Variants in DTHD1 observed in about 807,000 individuals in gnomAD.
DTHD1 encodes death domain containing 1, also known as death domain-containing protein 1.
DTHD1 carries 59 observed loss-of-function variants against 74.8 expected under a neutral mutation model. The ratio of observed to expected loss-of-function variants is 0.79; its 90% CI spans 0.64 to 0.98. The LOEUF is 0.98. Ranked by LOEUF, DTHD1 falls within the 50% of genes least tolerant of loss-of-function variation. The pLI, the probability that DTHD1 is intolerant of heterozygous loss-of-function variation, is 0.00. For synonymous variants in DTHD1, 365 were observed against 371.1 expected, an observed-to-expected ratio of 0.98 and a Z score of 0.19; for missense variants, 1,051 against 1,065.4, an observed-to-expected ratio of 0.99 and a Z score of 0.19.
intron 7 of DTHD1, among the ~76,000 whole-genome samples, chr4:36,310,296 G>C (rs1184433523): frequency 1.3e-5 from 2 of 152,142 alleles, no homozygotes; most frequent in African/African-American, 4.8e-5. Context: ...GAGTTCAAAG[G>C]AAAGAGATGA....
At chr4:36,334,844 T>C (rs1170343236) in intron 8 of DTHD1, among the ~76,000 whole-genome samples, 1 of 152,202 alleles carries the variant, frequency 6.6e-6, no homozygotes, top group Non-Finnish European at 1.5e-5. Context: ...CAGCTAAAAC[T>C]GCTGACCTTA....
chr4:36,293,954 TTTTC>T (rs1756239761), intron 4 of DTHD1, among the ~76,000 whole-genome samples: 2 of 152,120 alleles, frequency 1.3e-5, no homozygotes, highest in African/African-American at 4.8e-5. Context: ...TGTTGTGTTG[TTTTC>T]TTTATGATAT....
At chr4:36,323,860 C>T (rs1255268605) in intron 8 of DTHD1, among the ~76,000 whole-genome samples, 1 of 152,084 alleles carries the variant, frequency 6.6e-6, no homozygotes, top group Non-Finnish European at 1.5e-5. Flanking sequence ...CTAAAAGTTT[C>T]CAAAATCTTC....
At chr4:36,302,338 A>G (rs1251157364) in intron 5 of DTHD1, among the ~76,000 whole-genome samples, 1 of 152,102 alleles carries the variant, frequency 6.6e-6, no homozygotes, top group Admixed American at 6.5e-5. Context: ...TCTGTACAAT[A>G]CTTGTAACTG....
At position 36,343,940 on chromosome 4, in the gene DTHD1, A is replaced by T; in HGVS notation, c.*116A>T. On this transcript the variant is annotated 3_prime_UTR_variant, in exon 10 of 10. Transcript: ENST00000639862. The stretch of plus-strand genomic sequence containing the variant: ...TTATTTGAAGTCAGTCTATTTAATG[A>T]TGTGCTATTTAATGATGTGAGACAA... The T allele has an allele frequency of 9.8e-7, 1 of 1,018,316 alleles. No individual in the cohort carries two copies. The highest frequency in any genetic ancestry group is 1.7e-5 in the South Asian group (1 of 57,944). 63.1% of individuals were successfully genotyped at this position (1,018,316 alleles called of 1,614,324 possible). A position where few individuals can be genotyped will look rare whatever the true frequency, so the allele number is the denominator to read the frequency against.
chr4:36,293,940 T>C (rs192723171), intron 4 of DTHD1, among the ~76,000 whole-genome samples: 1 of 152,250 alleles, frequency 6.6e-6, no homozygotes, highest in Non-Finnish European at 1.5e-5. Flanking sequence ...CAGTTAGTCT[T>C]TTGTGTTGTG....
chr4:36,343,014 C>T (rs1350354969), intron 9 of DTHD1, among the ~76,000 whole-genome samples: 1 of 151,804 alleles, frequency 6.6e-6, no homozygotes, highest in Non-Finnish European at 1.5e-5. Context: ...TCGCTTGAAC[C>T]CAGGAGGCGA....
At chr4:36,339,695 A>G (rs914652551) in intron 9 of DTHD1, among the ~76,000 whole-genome samples, 1 of 152,298 alleles carries the variant, frequency 6.6e-6, no homozygotes, top group South Asian at 2.1e-4. Flanking sequence ...GAAACATTTT[A>G]TTTTGTGATA....
At position 36,308,493 on chromosome 4, in the gene DTHD1, A is replaced by G. The variant is rs1757192799; in HGVS notation, c.2095A>G (p.Ser699Gly). 9 of 1,547,768 alleles carry G rather than the reference A, an allele frequency of 5.8e-6. No individual in the cohort carries two copies. Among genetic ancestry groups the G allele is most frequent in the Non-Finnish European group, 7.9e-6 (9 of 1,144,934 alleles). ...LRFTGNIFAS[S>G]NGKDYGKDYT... ...ATTTACTGGAAACATATTTGCTTCA[A>G]GTAAGTATAAAGAAATCTTTTTATA... The change falls in exon 7 of 10, where the codon AGC becomes GGC. Residue 699 changes from serine (S) to glycine (G), a missense_variant and splice_region_variant. Coordinates refer to ENST00000639862, the MANE Select transcript of DTHD1 (RefSeq NM_001170700.3).
Position 36,343,476 on chromosome 4 carries a change from G to A in DTHD1, c.2399-26G>A, listed in dbSNP as rs969148183. 8 of 1,542,490 alleles carry A rather than the reference G, an allele frequency of 5.2e-6. No homozygotes were observed. The East Asian group carries it at 7.4e-5, about 14-fold the overall frequency. On this transcript the variant is annotated intron_variant, in intron 9 of 9. Transcript: ENST00000639862. ...CATCCCCCAGGAGAGGGTCCTAACC[G>A]TGAGTGTTCCTCCTGTGCCTGACAG... is the stretch of plus-strand genomic sequence containing the variant.
At chr4:36,282,303 A>T (rs1350825878) in intron 1 of DTHD1, among the ~76,000 whole-genome samples, 1 of 152,212 alleles carries the variant, frequency 6.6e-6, no homozygotes, top group Non-Finnish European at 1.5e-5. Flanking sequence ...GTTTGCTAGA[A>T]AAATGTAGTA....
chr4:36,306,153 T>C, intron 5 of DTHD1, 38 bp from the exon 6 acceptor site: 2 of 1,508,722 alleles, frequency 1.3e-6, no homozygotes, highest in Non-Finnish European at 1.8e-6. Context: ...TTATATCATG[T>C]AAATTGTACC....
At chr4:36,291,355 C>T (rs1025226196) in intron 3 of DTHD1, among the ~76,000 whole-genome samples, 1 of 152,082 alleles carries the variant, frequency 6.6e-6, no homozygotes, top group Admixed American at 6.5e-5. Flanking sequence ...ATAGTGTCTA[C>T]CTGGTATGGT....
At chr4:36,299,303 T>C (rs1366971635) in intron 5 of DTHD1, among the ~76,000 whole-genome samples, 7 of 152,188 alleles carry the variant, frequency 4.6e-5, no homozygotes, top group African/African-American at 1.7e-4. Flanking sequence ...CCACCTTTGA[T>C]ATAACATGCT....
At chr4:36,335,211 G>A (rs1044019588) in intron 8 of DTHD1, among the ~76,000 whole-genome samples, 1 of 152,044 alleles carries the variant, frequency 6.6e-6, no homozygotes, top group African/African-American at 2.4e-5. Context: ...ATATCATCAT[G>A]TGAATACAAA....
At position 36,316,364 on chromosome 4, in the gene DTHD1, G is replaced by T. The variant is rs371705837; in HGVS notation, c.2218G>T (p.Gly740Cys). ...FGNYSCPHYK[G>C]TIVVYKVPKG... is the part of the protein sequence containing the mutation. ...AAACTATAGTTGCCCTCATTACAAA[G>T]GCACCATTGTCGTTTATAAAGTACC... The change falls in exon 8 of 10, where the codon GGC becomes TGC. Residue 740 changes from glycine to cysteine, a missense_variant. Transcript: ENST00000639862. 52 of 1,551,982 alleles carry T rather than the reference G, an allele frequency of 3.4e-5. No individual in the cohort carries two copies. Among genetic ancestry groups the T allele is most frequent in the Middle Eastern group, 1.7e-4 (1 of 6,018 alleles).
At position 36,311,964 on chromosome 4, in the gene DTHD1, A is replaced by G. The variant is rs1001356376; in HGVS notation, c.2095+3471A>G. ...CTCTATTCACTTATAGAGAATATGA[A>G]TGACTTTTCAGTGAAGGTCACAGGA... On this transcript the variant is annotated intron_variant, in intron 7 of 9. Coordinates refer to ENST00000639862, the MANE Select transcript of DTHD1 (RefSeq NM_001170700.3). Among the ~76,000 whole-genome samples, 6 of 152,210 alleles carry G rather than the reference A, an allele frequency of 3.9e-5. No individual in the cohort carries two copies. In the South Asian group the frequency reaches 6.2e-4, roughly 16 times the overall value.
rs1230715017 is a variant in DTHD1 at position 36,281,805 on chromosome 4, A to G, written c.47A>G (p.Lys16Arg). The change falls in exon 1 of 10, where the codon AAG (lysine) becomes AGG (arginine). Residue 16 changes from lysine to arginine, a missense_variant. Lys to Arg is a conservative substitution (Grantham distance 26). Transcript: ENST00000639862. ...TCAGGTAAACTGGGCCAAATATTGA[A>G]GCAGATTTGGAGACAAAACCAGATG... ...MGSGKLGQIL[K>R]QIWRQNQMLK... 2 of 1,240,812 alleles carry G rather than the reference A, an allele frequency of 1.6e-6. No individual in the cohort carries two copies. The highest frequency in any genetic ancestry group is 6.2e-5 in the East Asian group (2 of 32,026). The allele number at this position is 1,240,812 out of a possible 1,614,324, so 76.9% of individuals were successfully genotyped here. A position where few individuals can be genotyped will look rare whatever the true frequency, so the allele number is the denominator to read the frequency against.
At chr4:36,314,330 A>G (rs1395592741) in intron 7 of DTHD1, among the ~76,000 whole-genome samples, 6 of 152,088 alleles carry the variant, frequency 3.9e-5, no homozygotes, top group Non-Finnish European at 8.8e-5. Flanking sequence ...TGGGCAGTCA[A>G]CTGCATGCTG....
Sources: allele counts gnomAD v4.1 joint callset (sites outside exome capture counted in the v4.1 genomes callset), GRCh38; gene constraint gnomAD v4.1.1; transcripts MANE v1.5; gene names NCBI Gene and HGNC (gene_info 2026-07-23, HGNC 2026-07-21).